The following MYO3B variants were observed in gnomAD, a reference collection of about 807,000 sequenced individuals.
MYO3B encodes the protein myosin-IIIb.
In MYO3B, 156 loss-of-function variants were observed where a neutral mutation model predicts 174.6. That is an observed-to-expected ratio of 0.89 (90% CI 0.78 to 1.02). MYO3B has a LOEUF of 1.02. Ranked by LOEUF, MYO3B falls within the 50% of genes least tolerant of loss-of-function variation. The pLI, the probability that MYO3B is intolerant of heterozygous loss-of-function variation, is 0.00. For missense variants in MYO3B, 1,632 were observed against 1,639.4 expected, an observed-to-expected ratio of 1.00 and a Z score of 0.08; for synonymous variants, 563 against 569.1, an observed-to-expected ratio of 0.99 and a Z score of 0.15.
chr2:170,200,340 G>C (rs2092647720), intron 3 of MYO3B, 56 bp downstream of exon 3: 1 of 1,575,580 alleles, frequency 6.3e-7, no homozygotes, highest in Admixed American at 1.9e-5. Flanking sequence ...GAGGCCAACA[G>C]ATGCTTTATT....
At chr2:170,388,761 C>A (rs751433518) in intron 14 of MYO3B, among the ~76,000 whole-genome samples, 3 of 152,156 alleles carry the variant, frequency 2.0e-5, no homozygotes, top group Non-Finnish European at 4.4e-5. Context: ...GATGAGGAGT[C>A]TGAGAGATAC....
intron 1 of MYO3B, among the ~76,000 whole-genome samples, chr2:170,182,718 T>G (rs1246949491): frequency 6.6e-6 from 1 of 151,656 alleles, no homozygotes. Context: ...TTTATGTTAT[T>G]CTCCTGCCTC....
rs150975870 is a variant in MYO3B at position 170,397,240 on chromosome 2, C to G, written c.1792-2948C>G. ...TTAAAATCTTCATTTGTCTTTGTAG[C>G]ATTATCAGGTATCCAGCAGATGTCA... On this transcript the variant is annotated intron_variant, in intron 16 of 34. Transcript: ENST00000408978. Among the ~76,000 whole-genome samples, 62 of 152,296 alleles carry G rather than the reference C, an allele frequency of 4.1e-4. 1 individual carries two copies. In the East Asian group the frequency reaches 9.3e-3, roughly 23 times the overall value.
intron 32 of MYO3B, among the ~76,000 whole-genome samples, chr2:170,648,381 G>T (rs913931952): frequency 6.6e-6 from 1 of 151,990 alleles, no homozygotes. Flanking sequence ...TGTAATCTCA[G>T]CACTTTGGGA....
At chr2:170,274,089 C>CGAGA (rs111859976) in intron 7 of MYO3B, among the ~76,000 whole-genome samples, 9 of 147,624 alleles carry the variant, frequency 6.1e-5, no homozygotes, top group East Asian at 4.0e-4. Flanking sequence ...AAGCAAACTA[C>CGAGA]GAGAGAGAGA....
At chr2:170,490,185 C>T (rs956427930) in intron 25 of MYO3B, among the ~76,000 whole-genome samples, 41 of 152,080 alleles carry the variant, frequency 2.7e-4, no homozygotes, top group African/African-American at 8.9e-4. Context: ...TCTGCTACCA[C>T]GCCCGGCTAA....
At chr2:170,409,231 C>T (rs2094530248) in intron 22 of MYO3B, among the ~76,000 whole-genome samples, 1 of 152,216 alleles carries the variant, frequency 6.6e-6, no homozygotes, top group Non-Finnish European at 1.5e-5. Context: ...GCCTGGACCA[C>T]TAGGGGGCGC....
intron 32 of MYO3B, among the ~76,000 whole-genome samples, chr2:170,590,805 ACC>A (rs1018742961): frequency 1.3e-5 from 2 of 152,128 alleles, no homozygotes; most frequent in Non-Finnish European, 2.9e-5. Flanking sequence ...AATTGCCTGG[ACC>A]ATGGGTCGTA....
intron 13 of MYO3B, 45 bp from the exon 14 acceptor site, chr2:170,387,061 T>A: frequency 6.2e-7 from 1 of 1,600,216 alleles, no homozygotes; most frequent in Non-Finnish European, 8.6e-7. Context: ...TTTGCTGGTG[T>A]AATGTTTCTG....
chr2:170,228,997 G>A (rs1294043938), intron 6 of MYO3B, among the ~76,000 whole-genome samples: 1 of 142,528 alleles, frequency 7.0e-6, no homozygotes, highest in Non-Finnish European at 1.5e-5. Flanking sequence ...AATCTCAAAT[G>A]TATCCTCTCT....
chr2:170,554,085 G>A (rs942091250), intron 32 of MYO3B, among the ~76,000 whole-genome samples: 1 of 152,094 alleles, frequency 6.6e-6, no homozygotes, highest in Non-Finnish European at 1.5e-5. Context: ...GTTCTTTATA[G>A]CAATGTGAGA....
intron 23 of MYO3B, among the ~76,000 whole-genome samples, chr2:170,457,965 G>T (rs935991654): frequency 1.3e-5 from 2 of 152,150 alleles, no homozygotes; most frequent in African/African-American, 4.8e-5. Context: ...CGTTGGCCAG[G>T]CTGGTCTCGA....
At chr2:170,587,134 G>A (rs1003445711) in intron 32 of MYO3B, among the ~76,000 whole-genome samples, 1 of 152,324 alleles carries the variant, frequency 6.6e-6, no homozygotes. Context: ...GTGTAAAAGT[G>A]TAGCACATAC....
intron 7 of MYO3B, among the ~76,000 whole-genome samples, chr2:170,310,447 G>C (rs899324590): frequency 6.6e-6 from 1 of 152,076 alleles, no homozygotes; most frequent in Non-Finnish European, 1.5e-5. Flanking sequence ...CGGATCACCC[G>C]AGGTCAGGAG....
chr2:170,413,606 G>A (rs1036946788), intron 22 of MYO3B, among the ~76,000 whole-genome samples: 1 of 152,040 alleles, frequency 6.6e-6, no homozygotes, highest in Non-Finnish European at 1.5e-5. Context: ...GTATGAATAG[G>A]TGCTCAGTTA....
chr2:170,272,476 CA>C (rs1183440970), intron 7 of MYO3B, among the ~76,000 whole-genome samples: 6 of 152,170 alleles, frequency 3.9e-5, no homozygotes, highest in Admixed American at 3.9e-4. Context: ...GTGGAATACT[CA>C]ACACTCTAAA....
intron 28 of MYO3B, among the ~76,000 whole-genome samples, chr2:170,505,045 C>T (rs1022671669): frequency 6.6e-5 from 10 of 152,058 alleles, no homozygotes; most frequent in East Asian, 5.8e-4. Flanking sequence ...GAGATCTCTG[C>T]GGGCCCAAAC....
intron 7 of MYO3B, among the ~76,000 whole-genome samples, chr2:170,312,682 A>G (rs762993435): frequency 1.3e-5 from 2 of 152,246 alleles, no homozygotes; most frequent in Non-Finnish European, 1.5e-5. Flanking sequence ...GATAAGGGAC[A>G]CTTTTCTGAT....
rs2094794018 is a variant in MYO3B at position 170,440,759 on chromosome 2, C to T, written c.2651-3208C>T. Among the ~76,000 whole-genome samples the T allele has an allele frequency of 6.2e-5, 9 of 144,532 alleles. No homozygotes were observed. In the South Asian group the frequency reaches 2.1e-3, roughly 33 times the overall value. The allele number at this position is 144,532 out of a possible 152,430, so 94.8% of individuals were successfully genotyped here. A position where few individuals can be genotyped will look rare whatever the true frequency, so the allele number is the denominator to read the frequency against. On this transcript the variant is annotated intron_variant, in intron 22 of 34. Transcript: ENST00000408978. Reference sequence around the variant, plus strand: ...CAGAGTGAGACTCTGTCTGAAAAAACAACAGCAACAACAACAACAAACTGA... The same window carrying T: ...CAGAGTGAGACTCTGTCTGAAAAAATAACAGCAACAACAACAACAAACTGA...
Sources: allele counts gnomAD v4.1 joint callset (sites outside exome capture counted in the v4.1 genomes callset), GRCh38; gene constraint gnomAD v4.1.1; transcripts MANE v1.5; gene names NCBI Gene and HGNC (gene_info 2026-07-23, HGNC 2026-07-21).